Variants in CENPP observed in about 807,000 individuals in gnomAD.
The protein encoded by CENPP is centromere protein P.
CENPP carries 24 observed loss-of-function variants against 35.6 expected under a neutral mutation model. That is an observed-to-expected ratio of 0.67 (90% CI 0.49 to 0.95). The LOEUF (loss-of-function observed/expected upper bound fraction) is 0.95. Ranked by LOEUF, CENPP falls within the 40% of genes least tolerant of loss-of-function variation. CENPP has a pLI of 0.00. For missense variants in CENPP, 332 were observed against 345.3 expected, an observed-to-expected ratio of 0.96 and a Z score of 0.31; for synonymous variants, 120 against 125.5, an observed-to-expected ratio of 0.96 and a Z score of 0.29.
At chr9:92,366,004 C>A (rs1037889640) in intron 4 of CENPP, among the ~76,000 whole-genome samples, 1 of 151,472 alleles carries the variant, frequency 6.6e-6, no homozygotes, top group South Asian at 2.1e-4. Flanking sequence ...CATGGTGAAA[C>A]CCCGTCTCTA....
chr9:92,365,406 C>CT (rs33952600), intron 4 of CENPP, among the ~76,000 whole-genome samples: 150 of 81,434 alleles, frequency 1.8e-3, no homozygotes, highest in South Asian at 5.1e-3. Context: ...TATAACTACT[C>CT]TTTTTTTTTT....
chr9:92,594,892 C>CTTT (rs1213825480), intron 5 of CENPP, among the ~76,000 whole-genome samples: 897 of 104,868 alleles, frequency 8.6e-3, no homozygotes, highest in Non-Finnish European at 0.011. Context: ...GGTTGCTCTT[C>CTTT]TTTTTTTTTT....
intron 5 of CENPP, among the ~76,000 whole-genome samples, chr9:92,607,142 A>G (rs1851103752): frequency 6.6e-6 from 1 of 152,170 alleles, no homozygotes; most frequent in Non-Finnish European, 1.5e-5. Flanking sequence ...TAGCACTTAC[A>G]TTTCTATGAT....
intron 4 of CENPP, among the ~76,000 whole-genome samples, chr9:92,353,115 C>G (rs942508043): frequency 1.3e-5 from 2 of 152,054 alleles, no homozygotes; most frequent in Admixed American, 6.5e-5. Context: ...GATATGAAGT[C>G]AATAAATCAT....
chr9:92,571,547 G>A (rs1445875996), intron 5 of CENPP, among the ~76,000 whole-genome samples: 1 of 152,188 alleles, frequency 6.6e-6, no homozygotes, highest in Admixed American at 6.5e-5. Context: ...TGAGAAGAAT[G>A]TATATTCTGT....
At chr9:92,380,842 A>G (rs1008887790) in intron 5 of CENPP, among the ~76,000 whole-genome samples, 3 of 152,190 alleles carry the variant, frequency 2.0e-5, no homozygotes, top group Non-Finnish European at 1.5e-5. Flanking sequence ...ATGCATTTGA[A>G]TGGGTGATGG....
At chr9:92,514,789 C>A in intron 5 of CENPP, 6 of 1,613,898 alleles carry the variant, frequency 3.7e-6, no homozygotes, top group Non-Finnish European at 5.1e-6. Flanking sequence ...AGAGGGCATT[C>A]GGAACATATC....
intron 5 of CENPP, chr9:92,502,560 G>A (rs756524153): frequency 6.2e-7 from 1 of 1,612,390 alleles, no homozygotes; most frequent in Non-Finnish European, 8.5e-7. Flanking sequence ...CTTCAATTTT[G>A]TTATAACGTA....
chr9:92,345,498 A>G (rs1199637173), intron 3 of CENPP, among the ~76,000 whole-genome samples: 1 of 151,978 alleles, frequency 6.6e-6, no homozygotes, highest in African/African-American at 2.4e-5. Flanking sequence ...CTCCAAAAAA[A>G]AAAAAAAAAG....
intron 5 of CENPP, chr9:92,512,145 A>G: frequency 6.3e-7 from 1 of 1,579,950 alleles, no homozygotes; most frequent in Non-Finnish European, 8.7e-7. Flanking sequence ...CACAGCGGTT[A>G]TGTTTTAGGC....
At chr9:92,417,540 T>A (rs770074070) in intron 5 of CENPP, 2 of 1,576,640 alleles carry the variant, frequency 1.3e-6, no homozygotes, top group African/African-American at 1.4e-5. Context: ...ATAACATATA[T>A]TGGACTTAAA....
chr9:92,361,202 A>C (rs921385821), intron 4 of CENPP, among the ~76,000 whole-genome samples: 3 of 151,414 alleles, frequency 2.0e-5, no homozygotes, highest in African/African-American at 7.3e-5. Flanking sequence ...GTGCAGTGGC[A>C]AGATCTTGGT....
intron 5 of CENPP, among the ~76,000 whole-genome samples, chr9:92,534,918 C>T (rs1473020542): frequency 6.6e-6 from 1 of 152,160 alleles, no homozygotes; most frequent in Non-Finnish European, 1.5e-5. Flanking sequence ...CCTCGAGGCT[C>T]TAGAGTTAAA....
At chr9:92,352,529 A>ATG (rs1841490281) in intron 4 of CENPP, among the ~76,000 whole-genome samples, 1 of 119,280 alleles carries the variant, frequency 8.4e-6, no homozygotes, top group Non-Finnish European at 1.6e-5. Flanking sequence ...ATATATATAT[A>ATG]TATATATATA....
Position 92,552,080 on chromosome 9 carries a change from C to CATATATGTGTTATGATAGATCTATCAT in CENPP, c.565-59225_565-59224insTTATGATAGATCTATCATATATATGTG, listed in dbSNP as rs1849618755. On this transcript the variant is annotated intron_variant, in intron 5 of 7. Coordinates refer to ENST00000375587, the MANE Select transcript of CENPP (RefSeq NM_001012267.3). ...CATATATGTGATATGATAGATCTAT[C>CATATATGTGTTATGATAGATCTATCAT]ATATATGTGATATGATAGATCTATC... Among the ~76,000 whole-genome samples the CATATATGTGTTATGATAGATCTATCAT allele has an allele frequency of 1.9e-4, 14 of 74,700 alleles. 1 individual carries two copies. Among genetic ancestry groups the CATATATGTGTTATGATAGATCTATCAT allele is most frequent in the Middle Eastern group, 8.5e-3 (1 of 118 alleles). 49.0% of individuals were successfully genotyped at this position (74,700 alleles called of 152,430 possible). A position where few individuals can be genotyped will look rare whatever the true frequency, so the allele number is the denominator to read the frequency against.
intron 5 of CENPP, among the ~76,000 whole-genome samples, chr9:92,381,396 C>A (rs775639459): frequency 2.0e-5 from 3 of 151,864 alleles, no homozygotes; most frequent in Non-Finnish European, 2.9e-5. Flanking sequence ...GTGATCCTCC[C>A]ACCTCAGCCT....
chr9:92,584,398 G>C (rs140688991), intron 5 of CENPP, among the ~76,000 whole-genome samples: 4 of 152,322 alleles, frequency 2.6e-5, no homozygotes, highest in African/African-American at 7.2e-5. Flanking sequence ...ACCCAGGCTA[G>C]AGTGTAGTGG....
chr9:92,545,120 C>T (rs1849403985), intron 5 of CENPP, among the ~76,000 whole-genome samples: 1 of 152,240 alleles, frequency 6.6e-6, no homozygotes, highest in South Asian at 2.1e-4. Context: ...TTGGCACCTC[C>T]TCAGCCTCAG....
Position 92,333,696 on chromosome 9 carries a change from T to C in CENPP, c.289+1345T>C, listed in dbSNP as rs1460150350. 2.6e-5 allele frequency among the ~76,000 whole-genome samples: 4 copies of C among 152,168 alleles called. No individual in the cohort carries two copies. The East Asian group carries it at 7.7e-4, about 29-fold the overall frequency. On this transcript the variant is annotated intron_variant, in intron 2 of 7. Coordinates refer to ENST00000375587, the MANE Select transcript of CENPP (RefSeq NM_001012267.3). ...GGTACCGGAAGAGAAATATCTTGTT[T>C]TTTATTTTTTTGTTCTTTTTCCTTT...
Sources: gnomAD v4.1 joint callset for allele counts (sites outside exome capture counted in the v4.1 genomes callset) on GRCh38, gnomAD v4.1.1 for gene constraint, MANE v1.5 for transcripts, NCBI Gene and HGNC (gene_info 2026-07-23, HGNC 2026-07-21) for gene names.